KCNAB1: variants seen among roughly 807,000 people sequenced by gnomAD.
KCNAB1 encodes potassium voltage-gated channel subfamily A regulatory beta subunit 1, also known as voltage-gated potassium channel subunit beta-1.
A neutral mutation model predicts 64.6 loss-of-function variants in KCNAB1; 35 were observed. The observed-to-expected ratio is 0.54, with a 90% CI of 0.41 to 0.72. The LOEUF (loss-of-function observed/expected upper bound fraction) is 0.72, where lower values mean the gene tolerates loss of function less well. Among genes scored for constraint, KCNAB1 ranks in the 30% least tolerant of loss-of-function variants. KCNAB1 has a pLI of 0.00. For synonymous variants in KCNAB1, 177 were observed against 183.8 expected, an observed-to-expected ratio of 0.96 and a Z score of 0.30; for missense variants, 401 against 512.9, an observed-to-expected ratio of 0.78 and a Z score of 2.11.
intron 1 of KCNAB1, among the ~76,000 whole-genome samples, chr3:156,210,213 T>TTGCTTTGTTTGAGAACTTGGCCC (rs1714928790): frequency 6.6e-6 from 1 of 152,142 alleles, no homozygotes; most frequent in Non-Finnish European, 1.5e-5. Context: ...CTGCCTCCCC[T>TTGCTTTGTTTGAGAACTTGGCCC]TGCTTTGTTT....
rs73873380 is a variant in KCNAB1 at position 156,451,122 on chromosome 3, G to C, written c.320-1777G>C. 3.0e-3 allele frequency among the ~76,000 whole-genome samples: 463 copies of C among 152,256 alleles called. 3 individuals carry two copies. The highest frequency in any genetic ancestry group is 9.9e-3 in the African/African-American group (413 of 41,542). On this transcript the variant is annotated intron_variant, in intron 2 of 13. Coordinates refer to ENST00000490337, the MANE Select transcript of KCNAB1 (RefSeq NM_172160.3). Reference sequence around the variant, plus strand: ...AGGACATCAGCTCTTTGCTGTCAAAGGCAGCTGGAAATCAAAACATTTCAA... The same window carrying C: ...AGGACATCAGCTCTTTGCTGTCAAACGCAGCTGGAAATCAAAACATTTCAA...
In KCNAB1 at chr3:156,537,250, AAAG is replaced by A; in HGVS notation, c.*504_*506del. ...AAATATATCTCACTGCAAAAAAAAAAAAGCAGTATCTTCACTCAAAAGTCTTGC... is the reference window on the plus strand; with the variant it reads ...AAATATATCTCACTGCAAAAAAAAAACAGTATCTTCACTCAAAAGTCTTGC... On this transcript the variant is annotated 3_prime_UTR_variant, in exon 14 of 14. Coordinates refer to ENST00000490337, the MANE Select transcript of KCNAB1 (RefSeq NM_172160.3). 2.6e-6 allele frequency: 1 copy of A among 390,192 alleles called. No individual in the cohort carries two copies. Among genetic ancestry groups the A allele is most frequent in the Non-Finnish European group, 4.5e-6 (1 of 221,776 alleles). The allele number at this position is 390,192 out of a possible 1,614,324, so 24.2% of individuals were successfully genotyped here.
intron 1 of KCNAB1, among the ~76,000 whole-genome samples, chr3:156,165,166 T>TGGG (rs1711504878): frequency 6.8e-6 from 1 of 146,140 alleles, no homozygotes; most frequent in Admixed American, 7.0e-5. Context: ...TAGTCCCAGC[T>TGGG]ACTTGGGAGG....
chr3:156,444,307 C>CCAGCTG (rs1251169545), intron 2 of KCNAB1, among the ~76,000 whole-genome samples: 3 of 152,142 alleles, frequency 2.0e-5, no homozygotes, highest in Non-Finnish European at 2.9e-5. Context: ...TACAGATGCC[C>CCAGCTG]CAGCTGCAGC....
At chr3:156,433,659 G>A (rs908329986) in intron 2 of KCNAB1, among the ~76,000 whole-genome samples, 1 of 152,180 alleles carries the variant, frequency 6.6e-6, no homozygotes, top group Non-Finnish European at 1.5e-5. Flanking sequence ...GGGAGTAGGG[G>A]AAAGTGCTGC....
intron 1 of KCNAB1, among the ~76,000 whole-genome samples, chr3:156,324,924 C>G (rs1377857803): frequency 1.3e-5 from 2 of 152,146 alleles, no homozygotes; most frequent in Non-Finnish European, 2.9e-5. Flanking sequence ...CAAACTCTTT[C>G]ATCTCTTCAA....
At chr3:156,208,305 C>A (rs1669912818) in intron 1 of KCNAB1, among the ~76,000 whole-genome samples, 1 of 152,156 alleles carries the variant, frequency 6.6e-6, no homozygotes, top group Non-Finnish European at 1.5e-5. Flanking sequence ...CTCCCAATGT[C>A]TACCCTTCTT....
intron 11 of KCNAB1, among the ~76,000 whole-genome samples, chr3:156,523,166 T>C (rs1376286825): frequency 6.6e-6 from 1 of 152,224 alleles, no homozygotes; most frequent in Non-Finnish European, 1.5e-5. Flanking sequence ...TTCTTTACTT[T>C]TTTAAGTTTC....
chr3:156,421,722 G>A (rs1387703415), intron 2 of KCNAB1, 63 bp downstream of exon 2: 4 of 1,479,908 alleles, frequency 2.7e-6, no homozygotes, highest in East Asian at 2.3e-5. Context: ...AGGGCACCAG[G>A]GAGTGACTGT....
Position 156,132,754 on chromosome 3 carries a change from A to C in KCNAB1, c.275+11868A>C, listed in dbSNP as rs188406440. On this transcript the variant is annotated intron_variant, in intron 1 of 13. Coordinates refer to ENST00000490337, the MANE Select transcript of KCNAB1 (RefSeq NM_172160.3). The stretch of plus-strand genomic sequence containing the variant: ...TTCATTTAAACAGTGTAATCATTAC[A>C]CATGTTTTTCTATAATGTACCTCCA... Among the ~76,000 whole-genome samples, 167 of 152,356 alleles carry C rather than the reference A, an allele frequency of 1.1e-3. 1 individual carries two copies. The highest frequency in any genetic ancestry group is 3.9e-3 in the African/African-American group (162 of 41,588).
chr3:156,378,428 G>A (rs531424344), intron 1 of KCNAB1, among the ~76,000 whole-genome samples: 2 of 152,220 alleles, frequency 1.3e-5, no homozygotes, highest in Admixed American at 6.5e-5. Flanking sequence ...CTTGGGCACT[G>A]AACTATGCAT....
chr3:156,532,256 T>C (rs932479558), intron 13 of KCNAB1, among the ~76,000 whole-genome samples: 8 of 152,116 alleles, frequency 5.3e-5, no homozygotes, highest in African/African-American at 1.9e-4. Context: ...GTAGTGGCAG[T>C]GGGTGGGTTG....
At chr3:156,495,028 C>A (rs1464050048) in intron 8 of KCNAB1, among the ~76,000 whole-genome samples, 1 of 152,060 alleles carries the variant, frequency 6.6e-6, no homozygotes, top group Non-Finnish European at 1.5e-5. Flanking sequence ...CTCCTCCTAC[C>A]CTCAACTCCT....
intron 1 of KCNAB1, among the ~76,000 whole-genome samples, chr3:156,257,124 C>T (rs1326113511): frequency 6.6e-6 from 1 of 152,216 alleles, no homozygotes; most frequent in Non-Finnish European, 1.5e-5. Context: ...GTTAAACTTT[C>T]CTCATGACCC....
intron 1 of KCNAB1, among the ~76,000 whole-genome samples, chr3:156,222,782 C>T (rs1353284880): frequency 2.0e-5 from 3 of 152,252 alleles, no homozygotes; most frequent in Admixed American, 2.0e-4. Context: ...AAGGAACCTT[C>T]AAAACCATGC....
Position 156,474,638 on chromosome 3 carries a change from A to AT in KCNAB1, c.572-89dup, listed in dbSNP as rs1714201579. 12 of 846,538 alleles carry AT rather than the reference A, an allele frequency of 1.4e-5. 1 individual carries two copies. The highest frequency in any genetic ancestry group is 1.0e-4 in the East Asian group (4 of 39,728). The allele number at this position is 846,538 out of a possible 1,614,324, so 52.4% of individuals were successfully genotyped here. On this transcript the variant is annotated intron_variant, in intron 7 of 13. Coordinates refer to ENST00000490337, the MANE Select transcript of KCNAB1 (RefSeq NM_172160.3). ...GCATTTTTGAAACTATTCCAATTCT[A>AT]TTTTTTTAAAGCAAATTCTTGAAAG...
chr3:156,150,566 C>T (rs1235140170), intron 1 of KCNAB1, among the ~76,000 whole-genome samples: 1 of 152,160 alleles, frequency 6.6e-6, no homozygotes, highest in Admixed American at 6.5e-5. Flanking sequence ...ATTTTGAAAT[C>T]TGATTTTCAT....
At chr3:156,276,690 G>C (rs940366734) in intron 1 of KCNAB1, among the ~76,000 whole-genome samples, 17 of 152,034 alleles carry the variant, frequency 1.1e-4, no homozygotes, top group African/African-American at 3.4e-4. Context: ...ATCAACCTCT[G>C]CTAGCTTTAA....
chr3:156,201,762 A>T (rs538125477), intron 1 of KCNAB1, among the ~76,000 whole-genome samples: 9 of 152,206 alleles, frequency 5.9e-5, no homozygotes, highest in African/African-American at 2.2e-4. Flanking sequence ...CACACATGAG[A>T]GGTGGCCGTT....
Sources: gnomAD v4.1 joint callset for allele counts (sites outside exome capture counted in the v4.1 genomes callset) on GRCh38, gnomAD v4.1.1 for gene constraint, MANE v1.5 for transcripts, NCBI Gene and HGNC (gene_info 2026-07-23, HGNC 2026-07-21) for gene names.